FBXL2: variants seen among roughly 807,000 people sequenced by gnomAD.
The protein encoded by FBXL2 is F-box/LRR-repeat protein 2.
FBXL2 carries 38 observed loss-of-function variants against 69.2 expected under a neutral mutation model. The ratio of observed to expected loss-of-function variants is 0.55; its 90% confidence interval spans 0.42 to 0.72. The LOEUF (loss-of-function observed/expected upper bound fraction) is 0.72, where lower values mean the gene tolerates loss of function less well. Ranked by LOEUF, FBXL2 falls within the 30% of genes least tolerant of loss-of-function variation. FBXL2 has a pLI of 0.00. For synonymous variants in FBXL2, 192 were observed against 201.3 expected (o/e 0.95, Z 0.39); for missense variants, 354 against 520.3 (o/e 0.68, Z 3.11).
chr3:33,364,641 A>C lies in FBXL2; in HGVS notation c.212A>C (p.Asn71Thr). The change falls in exon 5 of 15, where the codon AAT becomes ACT. Residue 71 changes from asparagine to threonine, a missense_variant. By Grantham distance (65) the Asn-to-Thr change is moderately conservative. Coordinates refer to ENST00000484457, the MANE Select transcript of FBXL2 (RefSeq NM_012157.5). ...TGATTAAAGGGTCGAGTGGTGGAAA[A>C]TATCTCGAAGCGATGCGGTGGATTC... ...QTDVEGRVVE[N>T]ISKRCGGFLR... is the part of the protein sequence containing the mutation. 1 of 1,614,168 alleles carries C rather than the reference A, an allele frequency of 6.2e-7. No homozygotes were observed. The highest frequency in any genetic ancestry group is 2.2e-5 in the East Asian group (1 of 44,890).
intron 1 of FBXL2, among the ~76,000 whole-genome samples, chr3:33,284,884 T>A (rs2034436333): frequency 6.6e-6 from 1 of 152,248 alleles, no homozygotes; most frequent in Non-Finnish European, 1.5e-5. Flanking sequence ...TTTTTTTGTT[T>A]TCCATTTGCT....
intron 2 of FBXL2, among the ~76,000 whole-genome samples, chr3:33,306,073 C>G (rs961822685): frequency 2.1e-4 from 32 of 151,380 alleles, no homozygotes; most frequent in Non-Finnish European, 3.4e-4. Flanking sequence ...GCGTTTTATT[C>G]TGTTTTCTTT....
Position 33,386,290 on chromosome 3 carries a change from G to C in FBXL2, c.*682G>C, listed in dbSNP as rs2043424620. 6.5e-6 allele frequency: 1 copy of C among 152,992 alleles called. No individual in the cohort carries two copies. Among genetic ancestry groups the C allele is most frequent in the Non-Finnish European group, 1.5e-5 (1 of 68,384 alleles). 9.5% of individuals were successfully genotyped at this position (152,992 alleles called of 1,614,324 possible). Reference sequence around the variant, plus strand: ...CAAAAACAAAAGCAGCTCGGAGTCTGTGTTGCCTGATTGGAAAGTAGAAGC... The same window carrying C: ...CAAAAACAAAAGCAGCTCGGAGTCTCTGTTGCCTGATTGGAAAGTAGAAGC... On this transcript the variant is annotated 3_prime_UTR_variant, in exon 15 of 15. Coordinates refer to ENST00000484457, the MANE Select transcript of FBXL2 (RefSeq NM_012157.5).
At chr3:33,296,019 TC>T (rs1204057658) in intron 1 of FBXL2, among the ~76,000 whole-genome samples, 1 of 152,192 alleles carries the variant, frequency 6.6e-6, no homozygotes, top group Non-Finnish European at 1.5e-5. Flanking sequence ...TGGGTTTTTT[TC>T]CTACACTTTC....
intron 2 of FBXL2, among the ~76,000 whole-genome samples, chr3:33,341,782 A>G (rs2040031748): frequency 7.3e-6 from 1 of 136,464 alleles, no homozygotes; most frequent in Admixed American, 7.7e-5. Flanking sequence ...GTGAATTGAG[A>G]TGGCGCCACT....
chr3:33,321,728 C>T (rs994482862), intron 2 of FBXL2, among the ~76,000 whole-genome samples: 13 of 152,158 alleles, frequency 8.5e-5, no homozygotes, highest in African/African-American at 3.1e-4. Flanking sequence ...CGTGTTGCTC[C>T]TAGGCTACAC....
chr3:33,364,334 C>T, intron 4 of FBXL2: 1 of 390,136 alleles, frequency 2.6e-6, no homozygotes, highest in Admixed American at 4.3e-5. Flanking sequence ...GGGCCTAACC[C>T]CAGGGCTAAG....
At chr3:33,362,628 G>A (rs1401981305) in intron 4 of FBXL2, among the ~76,000 whole-genome samples, 2 of 152,188 alleles carry the variant, frequency 1.3e-5, no homozygotes, top group African/African-American at 4.8e-5. Context: ...CTGTGTCCAT[G>A]TGTTCTCATT....
intron 2 of FBXL2, among the ~76,000 whole-genome samples, chr3:33,324,401 G>A (rs1162910871): frequency 6.6e-6 from 1 of 152,140 alleles, no homozygotes; most frequent in Non-Finnish European, 1.5e-5. Flanking sequence ...GAATGGTATT[G>A]CCTAGGTCTT....
At chr3:33,323,033 C>T (rs756541875) in intron 2 of FBXL2, among the ~76,000 whole-genome samples, 2 of 152,144 alleles carry the variant, frequency 1.3e-5, no homozygotes, top group Non-Finnish European at 2.9e-5. Flanking sequence ...GTTCCAGCCT[C>T]TTGAATTGCT....
intron 1 of FBXL2, among the ~76,000 whole-genome samples, chr3:33,279,267 T>C (rs1421462260): frequency 2.0e-5 from 3 of 151,764 alleles, no homozygotes; most frequent in Admixed American, 6.6e-5. Flanking sequence ...TCCCCAAAAC[T>C]GTATTCTTTT....
intron 12 of FBXL2, among the ~76,000 whole-genome samples, chr3:33,395,768 AAAAAAG>A (rs2043962082): frequency 1.3e-5 from 2 of 150,198 alleles, no homozygotes; most frequent in Non-Finnish European, 3.0e-5. Flanking sequence ...AAAAAAAAAA[AAAAAAG>A]AAAAAGGAAA....
intron 1 of FBXL2, among the ~76,000 whole-genome samples, chr3:33,290,729 C>G (rs2035140521): frequency 6.6e-6 from 1 of 151,962 alleles, no homozygotes; most frequent in Non-Finnish European, 1.5e-5. Context: ...CTAGTATATA[C>G]CTGTAACTAG....
At chr3:33,347,257 A>ATAATGACCCCCAGTTCCATT (rs2040513374) in intron 2 of FBXL2, among the ~76,000 whole-genome samples, 1 of 152,244 alleles carries the variant, frequency 6.6e-6, no homozygotes, top group Non-Finnish European at 1.5e-5. Context: ...TTCACTTGAC[A>ATAATGACCCCCAGTTCCATT]TAATGACCCC....
At chr3:33,346,334 A>T (rs895854341) in intron 2 of FBXL2, among the ~76,000 whole-genome samples, 37 of 152,126 alleles carry the variant, frequency 2.4e-4, no homozygotes, top group Non-Finnish European at 4.0e-4. Context: ...AAATGAAATA[A>T]TGGGCTGAGG....
chr3:33,422,519 T>C, the FBXL2 span, among the ~76,000 whole-genome samples: 2 of 151,984 alleles, frequency 1.3e-5, no homozygotes, highest in Non-Finnish European at 2.9e-5. Context: ...GAGTCGGAGA[T>C]TAGCGTGGGC....
intron 2 of FBXL2, among the ~76,000 whole-genome samples, chr3:33,331,938 A>G (rs1271208335): frequency 1.3e-5 from 2 of 152,216 alleles, no homozygotes; most frequent in African/African-American, 4.8e-5. Flanking sequence ...GATGATTTCT[A>G]AAGGAAATTA....
chr3:33,402,242 C>G (rs2044256567), intron 12 of FBXL2, among the ~76,000 whole-genome samples: 1 of 152,194 alleles, frequency 6.6e-6, no homozygotes, highest in Non-Finnish European at 1.5e-5. Flanking sequence ...GTCTCTTGCT[C>G]CCACCCTGAG....
chr3:33,422,338 C>T, the FBXL2 span, among the ~76,000 whole-genome samples: 3 of 151,354 alleles, frequency 2.0e-5, no homozygotes, highest in African/African-American at 7.3e-5. Flanking sequence ...CCCAGGAGTA[C>T]AAAAACAGCC....
Sources: allele counts gnomAD v4.1 joint callset (sites outside exome capture counted in the v4.1 genomes callset), GRCh38; gene constraint gnomAD v4.1.1; transcripts MANE v1.5; gene names NCBI Gene and HGNC (gene_info 2026-07-23, HGNC 2026-07-21).